The following BRDT variants were observed in gnomAD, a reference collection of about 807,000 sequenced individuals.
The protein encoded by BRDT is bromodomain testis associated, also known as bromodomain testis-specific protein.
A neutral mutation model predicts 113.9 loss-of-function variants in BRDT; 77 were observed. The ratio of observed to expected loss-of-function variants is 0.68; its 90% CI spans 0.56 to 0.82. The LOEUF (loss-of-function observed/expected upper bound fraction) is 0.82. BRDT is among the 40% of genes least tolerant of loss of function. The probability of loss-of-function intolerance (pLI) is 0.00; values close to 1 mark genes in which losing one functional copy is unlikely to be tolerated. For synonymous variants in BRDT, 358 were observed against 366.5 expected (o/e 0.98, Z 0.26); for missense variants, 1,027 against 1,105.4 (o/e 0.93, Z 1.01).
At chr1:91,969,823 G>GTTTTTTTTTTTTTTTTTT (rs66466350) in intron 4 of BRDT, among the ~76,000 whole-genome samples, 1 of 71,730 alleles carries the variant, frequency 1.4e-5, no homozygotes, top group African/African-American at 4.9e-5. Context: ...GTGTGTGTGT[G>GTTTTTTTTTTTTTTTTTT]TTTTTTTTTT....
In BRDT at chr1:91,964,639, A is replaced by G; in HGVS notation, c.205A>G (p.Ile69Val). 1 of 1,424,228 alleles carries G rather than the reference A, an allele frequency of 7.0e-7. No individual in the cohort carries two copies. The highest frequency in any genetic ancestry group is 1.4e-5 in the African/African-American group (1 of 70,566). The allele number at this position is 1,424,228 out of a possible 1,614,324, so 88.2% of individuals were successfully genotyped here. ...VKLQLPDYYT[I>V]IKNPMDLNTI... Reference sequence around the variant, plus strand: ...TTCAAAACCATAGGATTATTATACCATTATAAAAAACCCAATGGATTTAAA... The same window carrying G: ...TTCAAAACCATAGGATTATTATACCGTTATAAAAAACCCAATGGATTTAAA... The change falls in exon 3 of 19, where the codon ATT becomes GTT. Residue 69 changes from isoleucine to valine, a missense_variant. Physicochemically the swap from Ile to Val is conservative, Grantham distance 29. Transcript: ENST00000399546.
intron 18 of BRDT, among the ~76,000 whole-genome samples, chr1:92,010,664 T>C (rs74635163): frequency 0.066 from 10,067 of 152,266 alleles, 396 homozygotes; most frequent in African/African-American, 0.094. Flanking sequence ...TTTTCTTCAG[T>C]GTCTGATCTT....
At chr1:91,966,984 G>T (rs529826177) in intron 3 of BRDT, among the ~76,000 whole-genome samples, 1 of 152,044 alleles carries the variant, frequency 6.6e-6, no homozygotes, top group Non-Finnish European at 1.5e-5. Flanking sequence ...CAGGAGAATC[G>T]CTTGAACCCA....
intron 18 of BRDT, among the ~76,000 whole-genome samples, chr1:92,011,405 CT>C (rs1687784453): frequency 6.6e-6 from 1 of 151,956 alleles, no homozygotes; most frequent in South Asian, 2.1e-4. Flanking sequence ...TAAATAGAAA[CT>C]TTTTGGTATT....
rs1435882342 is a variant in BRDT at position 92,002,104 on chromosome 1, T to G, written c.2343T>G (p.Ser781Arg). The G allele has an allele frequency of 6.2e-7, 1 of 1,613,992 alleles. No individual in the cohort carries two copies. The highest frequency in any genetic ancestry group is 1.1e-5 in the South Asian group (1 of 91,076). ...GITVMHPSGDSDTTMLESECQ... is the reference protein window; with the variant it reads ...GITVMHPSGDRDTTMLESECQ... ...CTGTGATGCATCCATCTGGTGATAG[T>G]GACACAACGATGTTAGAATCTGAAT... The change falls in exon 16 of 19, where the codon AGT (serine) becomes AGG (arginine). Residue 781 changes from serine (S) to arginine (R), a missense_variant. Transcript: ENST00000399546.
intron 18 of BRDT, among the ~76,000 whole-genome samples, chr1:92,009,284 A>G (rs901676951): frequency 2.6e-5 from 4 of 152,084 alleles, no homozygotes; most frequent in Non-Finnish European, 5.9e-5. Flanking sequence ...GTTGTTGAAA[A>G]TGATGGGGTT....
chr1:92,012,747 C>T (rs1687908191), intron 18 of BRDT, among the ~76,000 whole-genome samples: 1 of 150,366 alleles, frequency 6.7e-6, no homozygotes, highest in Non-Finnish European at 1.5e-5. Flanking sequence ...CCCATCTCTA[C>T]TAAAACTACA....
intron 1 of BRDT, among the ~76,000 whole-genome samples, chr1:91,958,060 CT>C (rs1291012415): frequency 6.6e-6 from 1 of 152,148 alleles, no homozygotes; most frequent in Non-Finnish European, 1.5e-5. Flanking sequence ...CCAGGCTGGT[CT>C]CGAGCTCCCG....
At position 91,977,134 on chromosome 1, in the gene BRDT, A is replaced by G. The variant is rs1557828635; in HGVS notation, c.710A>G (p.Glu237Gly). Residue 237 changes from glutamate to glycine, a missense_variant, in exon 6 of 19, where the codon GAA becomes GGA. Glu to Gly is a moderately conservative substitution (Grantham distance 98). Transcript: ENST00000399546. ...AGTGAATTTTCTCCAACATTCACAG[A>G]AAAATCAGTGGCACTGCCACCTATA... is the stretch of plus-strand genomic sequence containing the variant. Reference protein sequence around the residue: ...ASSEFSPTFTEKSVALPPIKE... With the variant: ...ASSEFSPTFTGKSVALPPIKE... 6.2e-7 allele frequency: 1 copy of G among 1,613,784 alleles called. No homozygotes were observed. Among genetic ancestry groups the G allele is most frequent in the Non-Finnish European group, 8.5e-7 (1 of 1,179,964 alleles).
intron 12 of BRDT, among the ~76,000 whole-genome samples, chr1:91,987,314 G>A (rs1299196994): frequency 2.0e-5 from 3 of 151,718 alleles, no homozygotes; most frequent in African/African-American, 7.3e-5. Flanking sequence ...GCTATATATG[G>A]CATCATATTC....
intron 1 of BRDT, among the ~76,000 whole-genome samples, chr1:91,956,976 C>T (rs1056809344): frequency 3.3e-5 from 5 of 152,036 alleles, no homozygotes; most frequent in Admixed American, 6.6e-5. Flanking sequence ...ATCTTGATTA[C>T]ATTCAATTGT....
chr1:91,950,573 A>G (rs919266689), intron 1 of BRDT: 1 of 150,956 alleles, frequency 6.6e-6, no homozygotes, highest in Non-Finnish European at 1.5e-5. Context: ...CTTGATCTTG[A>G]GGGACAAATA....
At chr1:91,982,778 A>G (rs1048219035) in intron 12 of BRDT, among the ~76,000 whole-genome samples, 2 of 152,144 alleles carry the variant, frequency 1.3e-5, no homozygotes, top group Non-Finnish European at 2.9e-5. Context: ...ACATTTTTGG[A>G]GAATAAACAG....
intron 8 of BRDT, among the ~76,000 whole-genome samples, chr1:91,980,328 CCCACCTGGG>C (rs200577567): frequency 1.5e-4 from 11 of 73,422 alleles, no homozygotes; most frequent in African/African-American, 2.3e-4. Flanking sequence ...CCACCGCACT[CCCACCTGGG>C]TGACAGAGCA....
At chr1:92,005,448 G>A (rs1174139963) in intron 18 of BRDT, 149 bp downstream of exon 18, 1 of 696,268 alleles carries the variant, frequency 1.4e-6, no homozygotes, top group Non-Finnish European at 2.1e-6. Flanking sequence ...TAAAATTAAA[G>A]CTTAAAATAA....
chr1:91,990,928 GCTGGGACT>G (rs1305341857), intron 12 of BRDT, among the ~76,000 whole-genome samples: 1 of 152,150 alleles, frequency 6.6e-6, no homozygotes, highest in Non-Finnish European at 1.5e-5. Flanking sequence ...CTCCTGAGTA[GCTGGGACT>G]ACAGGCGTGT....
chr1:92,005,554 G>A (rs1687219022), intron 18 of BRDT, among the ~76,000 whole-genome samples: 1 of 152,134 alleles, frequency 6.6e-6, no homozygotes, highest in Non-Finnish European at 1.5e-5. Context: ...GGAGGCGGGA[G>A]GATCTTTTGA....
chr1:91,970,992 T>C (rs956967576), intron 4 of BRDT, among the ~76,000 whole-genome samples: 1 of 151,446 alleles, frequency 6.6e-6, no homozygotes, highest in Non-Finnish European at 1.5e-5. Context: ...ATTTGGCTCA[T>C]GGTTTTGCAG....
chr1:91,954,332 T>C (rs1156833466), intron 1 of BRDT, among the ~76,000 whole-genome samples: 1 of 139,140 alleles, frequency 7.2e-6, no homozygotes, highest in Non-Finnish European at 1.5e-5. Context: ...TAGGCTGGAG[T>C]GCATTGGTGC....
Sources: gnomAD v4.1 joint callset for allele counts (sites outside exome capture counted in the v4.1 genomes callset) on GRCh38, gnomAD v4.1.1 for gene constraint, MANE v1.5 for transcripts, NCBI Gene and HGNC (gene_info 2026-07-23, HGNC 2026-07-21) for gene names.